NCOA1: variants seen among roughly 807,000 people sequenced by gnomAD.
NCOA1 encodes Hin-2 protein.
NCOA1 carries 35 observed loss-of-function variants against 150.9 expected under a neutral mutation model. The observed-to-expected ratio is 0.23, with a 90% confidence interval of 0.18 to 0.31. The LOEUF (loss-of-function observed/expected upper bound fraction) is 0.31, where lower values mean the gene tolerates loss of function less well. NCOA1 is among the 10% of genes least tolerant of loss of function. The pLI is 1.00. For synonymous variants in NCOA1, 590 were observed against 630.0 expected, an observed-to-expected ratio of 0.94 and a Z score of 0.95; for missense variants, 1,491 against 1,749.3, an observed-to-expected ratio of 0.85 and a Z score of 2.63.
intron 2 of NCOA1, among the ~76,000 whole-genome samples, chr2:24,573,030 A>G (rs1395215440): frequency 6.6e-6 from 1 of 152,188 alleles, no homozygotes; most frequent in Non-Finnish European, 1.5e-5. Context: ...CCAAAAGGTG[A>G]TATATAAGAG....
intron 2 of NCOA1, among the ~76,000 whole-genome samples, chr2:24,573,411 T>A (rs2148286367): frequency 6.6e-6 from 1 of 152,236 alleles, no homozygotes. Flanking sequence ...ACTCTTTGGT[T>A]GACCTTTGCA....
At chr2:24,714,979 C>T (rs901000280) in intron 14 of NCOA1, among the ~76,000 whole-genome samples, 4 of 151,878 alleles carry the variant, frequency 2.6e-5, no homozygotes, top group African/African-American at 9.7e-5. Flanking sequence ...ACTTTCTATA[C>T]TTAGTATCAT....
intron 11 of NCOA1, among the ~76,000 whole-genome samples, chr2:24,698,034 T>C (rs1672980177): frequency 6.6e-6 from 1 of 152,192 alleles, no homozygotes; most frequent in Non-Finnish European, 1.5e-5. Context: ...CATTCATTCA[T>C]TCATTCAGCA....
intron 3 of NCOA1, among the ~76,000 whole-genome samples, chr2:24,614,708 T>G (rs576749765): frequency 2.6e-5 from 4 of 152,194 alleles, no homozygotes; most frequent in Non-Finnish European, 5.9e-5. Flanking sequence ...TGGGTATGTT[T>G]AAAAGCCTCC....
intron 7 of NCOA1, 115 bp from the exon 8 acceptor site, chr2:24,682,836 A>C: frequency 1.2e-6 from 1 of 812,124 alleles, no homozygotes; most frequent in Non-Finnish European, 1.8e-6. Flanking sequence ...TTCCTTGAGG[A>C]CAGAGACCAG....
intron 19 of NCOA1, among the ~76,000 whole-genome samples, chr2:24,748,362 A>AGCCGAG (rs1187540913): frequency 6.6e-6 from 1 of 152,200 alleles, no homozygotes; most frequent in African/African-American, 2.4e-5. Flanking sequence ...CTGTAATCCC[A>AGCCGAG]GCACTTTGGG....
At chr2:24,661,985 T>C (rs1671205039) in intron 5 of NCOA1, among the ~76,000 whole-genome samples, 1 of 152,246 alleles carries the variant, frequency 6.6e-6, no homozygotes, top group Admixed American at 6.5e-5. Flanking sequence ...ACATTTGCTT[T>C]AAAAATATTT....
At chr2:24,680,037 C>T (rs1177808726) in intron 7 of NCOA1, among the ~76,000 whole-genome samples, 1 of 152,084 alleles carries the variant, frequency 6.6e-6, no homozygotes, top group Non-Finnish European at 1.5e-5. Flanking sequence ...TTTAAATAAT[C>T]TTGTCCATTC....
At chr2:24,622,115 T>TA (rs528319900) in intron 3 of NCOA1, among the ~76,000 whole-genome samples, 59 of 152,344 alleles carry the variant, frequency 3.9e-4, no homozygotes, top group Non-Finnish European at 5.1e-4. Context: ...CAGTTTGGTT[T>TA]AATGCACACT....
At chr2:24,598,778 A>G (rs1667986594) in intron 3 of NCOA1, among the ~76,000 whole-genome samples, 1 of 152,122 alleles carries the variant, frequency 6.6e-6, no homozygotes, top group Non-Finnish European at 1.5e-5. Flanking sequence ...ATTTTAAGAC[A>G]TTATTTTAGA....
intron 1 of NCOA1, among the ~76,000 whole-genome samples, chr2:24,545,179 ACTAAGG>A (rs780022950): frequency 1.3e-5 from 2 of 152,184 alleles, no homozygotes; most frequent in Non-Finnish European, 2.9e-5. Context: ...AATAGAAAGA[ACTAAGG>A]CTCCCTGGAA....
chr2:24,508,569 A>G (rs1011226725), intron 1 of NCOA1, among the ~76,000 whole-genome samples: 3 of 152,158 alleles, frequency 2.0e-5, no homozygotes, highest in African/African-American at 7.2e-5. Context: ...AAAAATTTTA[A>G]TGAATGAAAT....
At chr2:24,572,502 A>G (rs1372491171) in intron 2 of NCOA1, among the ~76,000 whole-genome samples, 1 of 152,226 alleles carries the variant, frequency 6.6e-6, no homozygotes, top group African/African-American at 2.4e-5. Context: ...AAGGAGGCAC[A>G]TAGCCTCTAG....
chr2:24,614,227 TTTTTG>T (rs1668770616), intron 3 of NCOA1, among the ~76,000 whole-genome samples: 1 of 120,210 alleles, frequency 8.3e-6, no homozygotes, highest in African/African-American at 3.0e-5. Flanking sequence ...TTTTTTTTTT[TTTTTG>T]CTATGGGGTT....
At chr2:24,734,344 T>C (rs1437976008) in intron 17 of NCOA1, among the ~76,000 whole-genome samples, 1 of 152,262 alleles carries the variant, frequency 6.6e-6, no homozygotes, top group Admixed American at 6.5e-5. Context: ...TGTTCCAAAT[T>C]CAATCAGTAA....
At chr2:24,523,789 G>A (rs1206949824) in intron 1 of NCOA1, among the ~76,000 whole-genome samples, 1 of 150,108 alleles carries the variant, frequency 6.7e-6, no homozygotes, top group African/African-American at 2.4e-5. Context: ...AGCTGGGCGT[G>A]GTGGCGCGTG....
At chr2:24,725,714 C>CAT (rs1260070942) in intron 14 of NCOA1, among the ~76,000 whole-genome samples, 101 of 148,992 alleles carry the variant, frequency 6.8e-4, no homozygotes, top group African/African-American at 2.4e-3. Flanking sequence ...CTAAAGTGTG[C>CAT]GTGTGTGTGT....
Position 24,768,536 on chromosome 2 carries a change from A to T in NCOA1, c.*145A>T, listed in dbSNP as rs977155653. On this transcript the variant is annotated 3_prime_UTR_variant, in exon 23 of 23. Transcript: ENST00000348332. ...TGGAGCAAAAAAAAAAAAAAAAAAAAAAAAAGGAGTTTGCTTTTGTCGGGA... is the reference window on the plus strand; with the variant it reads ...TGGAGCAAAAAAAAAAAAAAAAAAATAAAAAGGAGTTTGCTTTTGTCGGGA... 6.4e-6 allele frequency: 4 copies of T among 625,712 alleles called. No homozygotes were observed. Among genetic ancestry groups the T allele is most frequent in the Non-Finnish European group, 9.3e-6 (4 of 431,790 alleles). 38.8% of individuals were successfully genotyped at this position (625,712 alleles called of 1,614,324 possible).
chr2:24,756,973 G>A (rs186864734), intron 20 of NCOA1, among the ~76,000 whole-genome samples: 28 of 152,324 alleles, frequency 1.8e-4, no homozygotes, highest in African/African-American at 5.3e-4. Flanking sequence ...ATGAAGCTAT[G>A]TTGAGGCCTG....
Sources: allele counts gnomAD v4.1 joint callset (sites outside exome capture counted in the v4.1 genomes callset), GRCh38; gene constraint gnomAD v4.1.1; transcripts MANE v1.5; gene names NCBI Gene and HGNC (gene_info 2026-07-23, HGNC 2026-07-21).